Variants in PATJ observed in about 807,000 individuals in gnomAD.
The protein encoded by PATJ is inaD-like protein.
A neutral mutation model predicts 224.9 loss-of-function variants in PATJ; 190 were observed. The observed-to-expected ratio is 0.84, with a 90% CI of 0.75 to 0.95. PATJ has a LOEUF of 0.95. Among genes scored for constraint, PATJ ranks in the 40% least tolerant of loss-of-function variants. The pLI is 0.00. For missense variants in PATJ, 2,121 were observed against 2,270.3 expected (o/e 0.93, Z 1.34); for synonymous variants, 769 against 820.3 (o/e 0.94, Z 1.07).
chr1:62,134,685 C>G (rs907036969), intron 41 of PATJ, among the ~76,000 whole-genome samples: 5 of 152,116 alleles, frequency 3.3e-5, no homozygotes, highest in African/African-American at 9.7e-5. Flanking sequence ...TGTTTAGAAA[C>G]TCTCCATCGA....
At chr1:62,136,500 TG>T (rs971312325) in intron 41 of PATJ, among the ~76,000 whole-genome samples, 2 of 151,800 alleles carry the variant, frequency 1.3e-5, no homozygotes, top group African/African-American at 4.8e-5. Flanking sequence ...TGTGTGTGTG[TG>T]TTTTTCTGTA....
intron 31 of PATJ, among the ~76,000 whole-genome samples, chr1:62,051,443 C>T (rs1057473837): frequency 2.0e-5 from 3 of 152,158 alleles, no homozygotes; most frequent in Admixed American, 6.5e-5. Context: ...TCTTTTGCCT[C>T]GGCCTCCAGA....
At chr1:62,160,373 C>T (rs920562152) in intron 43 of PATJ, among the ~76,000 whole-genome samples, 6 of 152,178 alleles carry the variant, frequency 3.9e-5, no homozygotes, top group Non-Finnish European at 7.4e-5. Flanking sequence ...ATGCTACACT[C>T]GTATATATTT....
At chr1:61,909,868 T>C (rs2482854) in intron 25 of PATJ, among the ~76,000 whole-genome samples, 125,812 of 152,178 alleles carry the variant, frequency 0.83, 52,660 homozygotes, top group East Asian at 1. Context: ...ATGCTTGTAA[T>C]CTGCCTATGC....
At chr1:62,002,599 C>T (rs1424308958) in intron 28 of PATJ, among the ~76,000 whole-genome samples, 1 of 151,144 alleles carries the variant, frequency 6.6e-6, no homozygotes, top group East Asian at 2.0e-4. Flanking sequence ...ATCCCAGCTA[C>T]TTGGGAGGCT....
intron 31 of PATJ, among the ~76,000 whole-genome samples, chr1:62,063,130 A>G (rs1382365438): frequency 6.6e-6 from 1 of 152,138 alleles, no homozygotes; most frequent in Non-Finnish European, 1.5e-5. Context: ...TAGGATTTTT[A>G]TACTTTTAGG....
At chr1:61,885,011 G>A (rs986435789) in intron 22 of PATJ, among the ~76,000 whole-genome samples, 1 of 152,150 alleles carries the variant, frequency 6.6e-6, no homozygotes, top group African/African-American at 2.4e-5. Context: ...GTAATTGGGA[G>A]CAAGATTAAG....
chr1:62,047,190 T>C (rs1013783344), intron 30 of PATJ, among the ~76,000 whole-genome samples: 6 of 152,210 alleles, frequency 3.9e-5, no homozygotes, highest in Non-Finnish European at 7.3e-5. Context: ...GTGGTGGCCA[T>C]TTGCAGGGTT....
chr1:62,128,950 T>TG lies in PATJ; in HGVS notation c.5271+6dup, dbSNP rs752400523. 6.3e-7 allele frequency: 1 copy of TG among 1,584,478 alleles called. No individual in the cohort carries two copies. Among genetic ancestry groups the TG allele is most frequent in the Non-Finnish European group, 8.7e-7 (1 of 1,153,674 alleles). On this transcript the variant is annotated splice_donor_region_variant and intron_variant, in intron 41 of 43. Coordinates refer to ENST00000642238, the MANE Select transcript of PATJ (RefSeq NM_001350145.3). ...TACGGGCGCATTATCCTGCAGGTAT[T>TG]GCGATCAACGGAGCACGCAGCTGTG...
At chr1:61,833,044 A>C (rs1304993091) in intron 16 of PATJ, among the ~76,000 whole-genome samples, 1 of 152,206 alleles carries the variant, frequency 6.6e-6, no homozygotes, top group Admixed American at 6.5e-5. Context: ...ATTTCTTCTA[A>C]GATCAGATTT....
chr1:61,748,246 CTTTTTTTTTTT>C (rs35918825), intron 1 of PATJ, among the ~76,000 whole-genome samples: 20 of 65,140 alleles, frequency 3.1e-4, no homozygotes, highest in Non-Finnish European at 3.7e-4. Context: ...GCCTTAATGC[CTTTTTTTTTTT>C]TTTTTTTTTT....
In PATJ at chr1:61,875,320, C is replaced by A; in HGVS notation, c.2913C>A (p.Asp971Glu). 6.2e-7 allele frequency: 1 copy of A among 1,610,956 alleles called. No homozygotes were observed. Among genetic ancestry groups the A allele is most frequent in the Non-Finnish European group, 8.5e-7 (1 of 1,177,910 alleles). ...TEGNSQQGRF[D>E]DLENLNSLAK... ...GAAACAGTCAACAAGGCAGATTTGA[C>A]GACCTGGAAAATCTTAATTCATTAG... is the stretch of plus-strand genomic sequence containing the variant. Residue 971 changes from aspartate (D) to glutamate (E), a missense_variant, in exon 21 of 44, where the codon GAC (aspartate) becomes GAA (glutamate). By Grantham distance (45) the Asp-to-Glu change is conservative. Coordinates refer to ENST00000642238, the MANE Select transcript of PATJ (RefSeq NM_001350145.3).
intron 27 of PATJ, among the ~76,000 whole-genome samples, chr1:61,984,248 C>G (rs766318412): frequency 2.0e-5 from 3 of 151,580 alleles, no homozygotes; most frequent in Non-Finnish European, 2.9e-5. Context: ...GCAACCTCCC[C>G]CTCCTGGGTT....
intron 43 of PATJ, among the ~76,000 whole-genome samples, chr1:62,159,615 G>A (rs1474315637): frequency 1.3e-5 from 2 of 148,386 alleles, no homozygotes; most frequent in Non-Finnish European, 3.0e-5. Flanking sequence ...CTGGAGTGCA[G>A]TGGCACTATC....
chr1:61,992,305 A>T (rs1480060214), intron 28 of PATJ, among the ~76,000 whole-genome samples: 1 of 151,898 alleles, frequency 6.6e-6, no homozygotes, highest in Non-Finnish European at 1.5e-5. Flanking sequence ...TTTAGTAGAG[A>T]TGGGGTTTCT....
chr1:61,747,568 C>T (rs1307841369), intron 1 of PATJ, among the ~76,000 whole-genome samples: 9 of 152,142 alleles, frequency 5.9e-5, no homozygotes, highest in African/African-American at 1.4e-4. Context: ...TTGTTCCTCC[C>T]TTATGTTTAA....
chr1:61,951,040 G>A (rs967930357), intron 27 of PATJ, among the ~76,000 whole-genome samples: 3 of 152,038 alleles, frequency 2.0e-5, no homozygotes, highest in East Asian at 1.9e-4. Flanking sequence ...CCAGCTACTC[G>A]GAATCTGAGG....
intron 43 of PATJ, among the ~76,000 whole-genome samples, chr1:62,158,025 A>G (rs1457789531): frequency 2.0e-5 from 3 of 148,916 alleles, no homozygotes; most frequent in East Asian, 3.9e-4. Context: ...TTATTTTATT[A>G]TATTACCACC....
In PATJ at chr1:62,148,517, G is replaced by A; in HGVS notation, c.5378+127G>A. On this transcript the variant is annotated intron_variant, in intron 42 of 43. Coordinates refer to ENST00000642238, the MANE Select transcript of PATJ (RefSeq NM_001350145.3). Reference sequence around the variant, plus strand: ...GCCCGTGACTTTTTCTAAATTCTAGGGAATCCTTATTTCTCACAAGGCTTA... The same window carrying A: ...GCCCGTGACTTTTTCTAAATTCTAGAGAATCCTTATTTCTCACAAGGCTTA... 4.4e-6 allele frequency: 3 copies of A among 679,856 alleles called. 1 individual carries two copies. The highest frequency in any genetic ancestry group is 8.0e-6 in the Non-Finnish European group (3 of 374,812). 42.1% of individuals were successfully genotyped at this position (679,856 alleles called of 1,614,324 possible).
Sources: gnomAD v4.1 joint callset for allele counts (sites outside exome capture counted in the v4.1 genomes callset) on GRCh38, gnomAD v4.1.1 for gene constraint, MANE v1.5 for transcripts, NCBI Gene and HGNC (gene_info 2026-07-23, HGNC 2026-07-21) for gene names.